GPC5: variants seen among roughly 807,000 people sequenced by gnomAD.
GPC5 encodes glypican-5.
A neutral mutation model predicts 53.9 loss-of-function variants in GPC5; 47 were observed. The ratio of observed to expected loss-of-function variants is 0.87; its 90% CI spans 0.69 to 1.11. The LOEUF (loss-of-function observed/expected upper bound fraction) is 1.11, where lower values mean the gene tolerates loss of function less well. Ranked by LOEUF, GPC5 falls within the 50% of genes most tolerant of loss-of-function variation. The pLI is 0.00. For synonymous variants in GPC5, 286 were observed against 263.3 expected, an observed-to-expected ratio of 1.09 and a Z score of -0.84; for missense variants, 748 against 713.1, an observed-to-expected ratio of 1.05 and a Z score of -0.56.
intron 6 of GPC5, among the ~76,000 whole-genome samples, chr13:92,016,683 A>G (rs776374401): frequency 1.3e-5 from 2 of 151,896 alleles, no homozygotes; most frequent in Non-Finnish European, 2.9e-5. Context: ...CATTTTAACT[A>G]AAATCCTGTA....
intron 2 of GPC5, among the ~76,000 whole-genome samples, chr13:91,527,634 G>A (rs1045775798): frequency 6.6e-6 from 1 of 152,246 alleles, no homozygotes; most frequent in African/African-American, 2.4e-5. Context: ...GGGACTCTGT[G>A]TAGGGTCTCC....
At chr13:91,715,177 G>T (rs561104463) in intron 3 of GPC5, among the ~76,000 whole-genome samples, 37 of 152,268 alleles carry the variant, frequency 2.4e-4, no homozygotes, top group African/African-American at 7.9e-4. Context: ...CACACTGTAG[G>T]GGTGTCTCAC....
intron 5 of GPC5, among the ~76,000 whole-genome samples, chr13:91,829,720 G>C (rs1446653688): frequency 7.9e-5 from 12 of 152,060 alleles, no homozygotes; most frequent in African/African-American, 2.9e-4. Context: ...GTACAAAAGA[G>C]AGAAATTTTA....
intron 5 of GPC5, among the ~76,000 whole-genome samples, chr13:91,813,189 A>G (rs2038340630): frequency 6.6e-6 from 1 of 152,200 alleles, no homozygotes; most frequent in Non-Finnish European, 1.5e-5. Context: ...TTTGACACAT[A>G]TAAAACAGGG....
chr13:92,328,292 G>T (rs2043265668), intron 7 of GPC5, among the ~76,000 whole-genome samples: 1 of 152,072 alleles, frequency 6.6e-6, no homozygotes, highest in African/African-American at 2.4e-5. Flanking sequence ...AGAAATATCT[G>T]GAGGACTGCA....
At chr13:92,279,588 C>T (rs1309444038) in intron 7 of GPC5, among the ~76,000 whole-genome samples, 6 of 151,854 alleles carry the variant, frequency 4.0e-5, no homozygotes, top group African/African-American at 1.5e-4. Context: ...CAGTCCTTCA[C>T]CATTGAGTAG....
intron 7 of GPC5, among the ~76,000 whole-genome samples, chr13:92,838,099 T>A (rs533547038): frequency 1.4e-5 from 2 of 144,992 alleles, no homozygotes; most frequent in South Asian, 2.2e-4. Context: ...AAAAAAAAAA[T>A]TAAAAAGTCA....
chr13:92,192,858 A>G lies in GPC5; in HGVS notation c.1561+47869A>G, dbSNP rs371934434. ...TTTTTTTAAAATTTGAAATAATTTG[A>G]AAAAAATTTACTGAGAATTTATTAA... On this transcript the variant is annotated intron_variant, in intron 7 of 7. Transcript: ENST00000377067. Among the ~76,000 whole-genome samples, 365 of 152,310 alleles carry G rather than the reference A, an allele frequency of 2.4e-3. 2 individuals carry two copies. Among genetic ancestry groups the G allele is most frequent in the Non-Finnish European group, 3.7e-3 (254 of 68,030 alleles).
At chr13:91,940,717 G>C (rs1006665352) in intron 6 of GPC5, among the ~76,000 whole-genome samples, 2 of 152,034 alleles carry the variant, frequency 1.3e-5, no homozygotes, top group African/African-American at 4.8e-5. Context: ...TCTCGCTGTG[G>C]TTTTGATTTG....
intron 6 of GPC5, among the ~76,000 whole-genome samples, chr13:92,041,276 A>G (rs2040939540): frequency 6.6e-6 from 1 of 152,238 alleles, no homozygotes; most frequent in Non-Finnish European, 1.5e-5. Flanking sequence ...TTACTGTACA[A>G]TCAAAATAGC....
At chr13:91,519,158 A>C (rs1885667801) in intron 2 of GPC5, among the ~76,000 whole-genome samples, 1 of 152,224 alleles carries the variant, frequency 6.6e-6, no homozygotes, top group East Asian at 1.9e-4. Flanking sequence ...GTATTCAAGT[A>C]TCCTATTGTA....
chr13:91,633,643 T>A (rs2034216080), intron 2 of GPC5, among the ~76,000 whole-genome samples: 1 of 152,140 alleles, frequency 6.6e-6, no homozygotes, highest in African/African-American at 2.4e-5. Context: ...CTGGTTGACA[T>A]CATGAAGAAT....
intron 7 of GPC5, among the ~76,000 whole-genome samples, chr13:92,768,303 C>G (rs1268821080): frequency 6.6e-6 from 1 of 152,090 alleles, no homozygotes; most frequent in Non-Finnish European, 1.5e-5. Context: ...AAATGAATTA[C>G]TTTAAGCAAA....
intron 7 of GPC5, among the ~76,000 whole-genome samples, chr13:92,665,835 T>C (rs1452936122): frequency 6.6e-6 from 1 of 152,212 alleles, no homozygotes; most frequent in Non-Finnish European, 1.5e-5. Context: ...TGACCCTGAA[T>C]GTATTTCACA....
intron 2 of GPC5, among the ~76,000 whole-genome samples, chr13:91,685,829 A>G (rs1430094044): frequency 6.6e-6 from 1 of 152,106 alleles, no homozygotes; most frequent in Admixed American, 6.5e-5. Context: ...TTCTCTTGAG[A>G]TTTCAAATAG....
At chr13:92,775,633 C>T (rs932494609) in intron 7 of GPC5, among the ~76,000 whole-genome samples, 3 of 152,162 alleles carry the variant, frequency 2.0e-5, no homozygotes, top group African/African-American at 7.2e-5. Flanking sequence ...CCTTCCTCTC[C>T]TTTCCCTCAT....
chr13:92,076,322 C>T (rs1315897878), intron 6 of GPC5, among the ~76,000 whole-genome samples: 2 of 152,190 alleles, frequency 1.3e-5, no homozygotes, highest in Non-Finnish European at 2.9e-5. Context: ...CCACCTGCCT[C>T]GGCCTCCCAA....
intron 6 of GPC5, among the ~76,000 whole-genome samples, chr13:91,912,812 A>C (rs1436021701): frequency 6.6e-6 from 1 of 152,172 alleles, no homozygotes; most frequent in East Asian, 1.9e-4. Context: ...TTTTCCTTGT[A>C]ATACATTCTA....
intron 6 of GPC5, among the ~76,000 whole-genome samples, chr13:92,028,255 C>T (rs1207478837): frequency 1.3e-5 from 2 of 152,046 alleles, no homozygotes; most frequent in African/African-American, 4.8e-5. Flanking sequence ...AAATCAGTAA[C>T]ACTACTATAA....
Sources: allele counts gnomAD v4.1 joint callset (sites outside exome capture counted in the v4.1 genomes callset), GRCh38; gene constraint gnomAD v4.1.1; transcripts MANE v1.5; gene names NCBI Gene and HGNC (gene_info 2026-07-23, HGNC 2026-07-21).